The following ADAT1 variants were observed in gnomAD, a reference collection of about 807,000 sequenced individuals.
ADAT1 encodes tRNA-specific adenosine deaminase 1.
A neutral mutation model predicts 58.6 loss-of-function variants in ADAT1; 58 were observed. That is an observed-to-expected ratio of 0.99 (90% CI 0.80 to 1.23). The LOEUF is 1.23. Among genes scored for constraint, ADAT1 ranks in the 50% most tolerant of loss-of-function variants. The probability of loss-of-function intolerance (pLI) is 0.00; values close to 1 mark genes in which losing one functional copy is unlikely to be tolerated. For synonymous variants in ADAT1, 254 were observed against 220.8 expected (o/e 1.15, Z -1.33); for missense variants, 741 against 608.6 (o/e 1.22, Z -2.29).
In ADAT1 at chr16:75,612,555, G is replaced by T. The variant is rs780727504; in HGVS notation, c.731C>A (p.Thr244Asn). Residue 244 changes from threonine to asparagine, a missense_variant, in exon 6 of 10, where the codon ACC becomes AAC. Physicochemically the swap from Thr to Asn is moderately conservative, Grantham distance 65. Transcript: ENST00000564657. ...DLTVEGLATV[T>N]RIAPGSAKVI... ...TTTGGCACTACCAGGGGCTATTCTG[G>T]TGACAGTAGCCAGTCCCTCTACAGT... The T allele has an allele frequency of 6.2e-7, 1 of 1,614,098 alleles. No homozygotes were observed. Among genetic ancestry groups the T allele is most frequent in the Non-Finnish European group, 8.5e-7 (1 of 1,180,022 alleles).
chr16:75,606,637 T>C (rs2081380124), intron 8 of ADAT1, among the ~76,000 whole-genome samples: 1 of 152,198 alleles, frequency 6.6e-6, no homozygotes, highest in African/African-American at 2.4e-5. Context: ...TGAGCCCCCG[T>C]CAAGTCTTCA....
chr16:75,610,278 T>A (rs1056984610), intron 6 of ADAT1, among the ~76,000 whole-genome samples: 1 of 152,192 alleles, frequency 6.6e-6, no homozygotes, highest in African/African-American at 2.4e-5. Context: ...ATGTACAGGT[T>A]TTTGTTATAT....
chr16:75,597,278 G>A lies in ADAT1; in HGVS notation c.*2938C>T. On this transcript the variant is annotated 3_prime_UTR_variant, in exon 10 of 10. Coordinates refer to ENST00000564657, the MANE Select transcript of ADAT1 (RefSeq NM_001324445.2). ...TATAAGTAGGCCATGGAAAGACACA[G>A]ACACAGGGAAGAAGGCCATGCGAGA... 1 of 381,322 alleles carries A rather than the reference G, an allele frequency of 2.6e-6. No individual in the cohort carries two copies. The highest frequency in any genetic ancestry group is 5.2e-6 in the Non-Finnish European group (1 of 190,506). The allele number at this position is 381,322 out of a possible 1,614,324, so 23.6% of individuals were successfully genotyped here.
intron 9 of ADAT1, among the ~76,000 whole-genome samples, chr16:75,600,873 C>G (rs1350410810): frequency 6.6e-6 from 1 of 152,180 alleles, no homozygotes; most frequent in Non-Finnish European, 1.5e-5. Context: ...AGAGATTTAT[C>G]TTTACATTTT....
chr16:75,619,129 A>G (rs2081844979), intron 3 of ADAT1, among the ~76,000 whole-genome samples: 1 of 152,218 alleles, frequency 6.6e-6, no homozygotes, highest in South Asian at 2.1e-4. Context: ...TCCAATCCAC[A>G]GTGATCCTGG....
intron 8 of ADAT1, among the ~76,000 whole-genome samples, chr16:75,604,985 C>T (rs903891501): frequency 6.6e-6 from 1 of 152,160 alleles, no homozygotes; most frequent in African/African-American, 2.4e-5. Flanking sequence ...TTCTTCTTCT[C>T]CTCCTCCTCA....
At chr16:75,622,054 G>A (rs754225266) in intron 1 of ADAT1, among the ~76,000 whole-genome samples, 74 of 152,348 alleles carry the variant, frequency 4.9e-4, no homozygotes, top group Middle Eastern at 3.4e-3. Context: ...GGAGGCTGAG[G>A]CAGGAGAATC....
At chr16:75,606,377 G>T (rs1248223458) in intron 8 of ADAT1, among the ~76,000 whole-genome samples, 1 of 152,156 alleles carries the variant, frequency 6.6e-6, no homozygotes. Flanking sequence ...ACGTAATAGG[G>T]CTGATCTGAA....
At chr16:75,616,297 C>G (rs59794444) in intron 5 of ADAT1, among the ~76,000 whole-genome samples, 1 of 152,082 alleles carries the variant, frequency 6.6e-6, no homozygotes, top group African/African-American at 2.4e-5. Context: ...TGTGAGCCAC[C>G]GTGCCTGGCC....
chr16:75,621,172 T>C (rs927842551), intron 1 of ADAT1, among the ~76,000 whole-genome samples: 1 of 152,032 alleles, frequency 6.6e-6, no homozygotes, highest in Admixed American at 6.6e-5. Context: ...ATGTAAAGGG[T>C]TGCAGACTCA....
At chr16:75,600,513 T>C (rs746526507) in intron 9 of ADAT1, among the ~76,000 whole-genome samples, 165 bp from the exon 10 acceptor site, 5 of 152,198 alleles carry the variant, frequency 3.3e-5, no homozygotes, top group Non-Finnish European at 5.9e-5. Flanking sequence ...ACGTTATTCT[T>C]GTCATACTCA....
Position 75,622,962 on chromosome 16 carries a change from G to A in ADAT1, c.-581C>T, listed in dbSNP as rs1272703843. The A allele has an allele frequency of 6.6e-6, 1 of 152,324 alleles. No individual in the cohort carries two copies. 9.4% of individuals were successfully genotyped at this position (152,324 alleles called of 1,614,324 possible). A position where few individuals can be genotyped will look rare whatever the true frequency, so the allele number is the denominator to read the frequency against. ...GGGACCCCGAGTCGGCCAGTTACAG[G>A]ATAGGAGGTGCCAGGCAAGGCACTG... On this transcript the variant is annotated 5_prime_UTR_variant, in exon 1 of 10. Transcript: ENST00000564657.
In ADAT1 at chr16:75,617,209, T is replaced by C; in HGVS notation, c.357A>G (p.Gly119=). The C allele has an allele frequency of 6.2e-7, 1 of 1,614,020 alleles. No individual in the cohort carries two copies. The highest frequency in any genetic ancestry group is 8.5e-7 in the Non-Finnish European group (1 of 1,179,914). ...TLKEDSIFVP[G]TQKGVWKLRR... ...TAAGTTTCCACACTCCTTTTTGAGT[T>C]CCTGGGACAAAGATGCTATCCTCTT... The change falls in exon 5 of 10, where the codon GGA becomes GGG. Residue 119 remains glycine, a synonymous_variant. Transcript: ENST00000564657.
chr16:75,619,831 G>A (rs559941277), intron 3 of ADAT1: 2 of 317,892 alleles, frequency 6.3e-6, no homozygotes, highest in Admixed American at 4.4e-5. Flanking sequence ...GGAGGTTGCA[G>A]AGCAGTGAAT....
chr16:75,599,521 GGC>G lies in ADAT1; in HGVS notation c.*693_*694del, dbSNP rs1474163251. 26 of 985,714 alleles carry G rather than the reference GGC, an allele frequency of 2.6e-5. No individual in the cohort carries two copies. The highest frequency in any genetic ancestry group is 2.8e-5 in the Non-Finnish European group (23 of 829,964). 61.1% of individuals were successfully genotyped at this position (985,714 alleles called of 1,614,324 possible). ...GTGTTACTAGATCTTTGATTCTCTT[GGC>G]TGTTTCCTTTGTTGCCTTCATTCTT... On this transcript the variant is annotated 3_prime_UTR_variant, in exon 10 of 10. Coordinates refer to ENST00000564657, the MANE Select transcript of ADAT1 (RefSeq NM_001324445.2).
At chr16:75,609,459 A>G (rs2081460422) in intron 6 of ADAT1, among the ~76,000 whole-genome samples, 1 of 152,208 alleles carries the variant, frequency 6.6e-6, no homozygotes, top group Admixed American at 6.6e-5. Flanking sequence ...AGAATAGGAA[A>G]AACAGAAAAC....
chr16:75,607,483 C>A (rs1163587799), intron 8 of ADAT1, among the ~76,000 whole-genome samples: 1 of 138,862 alleles, frequency 7.2e-6, no homozygotes, highest in Non-Finnish European at 1.5e-5. Flanking sequence ...GCCCAGGTGA[C>A]AGAGCAAGAC....
chr16:75,611,169 T>C (rs569762206), intron 6 of ADAT1, among the ~76,000 whole-genome samples: 1 of 152,010 alleles, frequency 6.6e-6, no homozygotes, highest in Admixed American at 6.6e-5. Context: ...AAAACATATA[T>C]AATGGCAATG....
chr16:75,598,606 C>A lies in ADAT1; in HGVS notation c.*1610G>T, dbSNP rs1205398318. Among the ~76,000 whole-genome samples, 2 of 151,634 alleles carry A rather than the reference C, an allele frequency of 1.3e-5. No homozygotes were observed. Among genetic ancestry groups the A allele is most frequent in the African/African-American group, 4.9e-5 (2 of 41,226 alleles). On this transcript the variant is annotated 3_prime_UTR_variant, in exon 10 of 10. Transcript: ENST00000564657. The stretch of plus-strand genomic sequence containing the variant: ...TGATCTTGACTCACTGCAACCTCCG[C>A]CTCCCAGGTTCAAGTGATTCTCCTG...
Sources: gnomAD v4.1 joint callset for allele counts (sites outside exome capture counted in the v4.1 genomes callset) on GRCh38, gnomAD v4.1.1 for gene constraint, MANE v1.5 for transcripts, NCBI Gene and HGNC (gene_info 2026-07-23, HGNC 2026-07-21) for gene names.